OLFM3: variants seen among roughly 807,000 people sequenced by gnomAD.
The protein encoded by OLFM3 is olfactomedin 3, also known as noelin-3.
Under a neutral mutation model 48.6 loss-of-function variants are expected in OLFM3, and 20 were observed. That is an observed-to-expected ratio of 0.41 (90% CI 0.29 to 0.60). OLFM3 has a LOEUF of 0.60. Ranked by LOEUF, OLFM3 falls within the 20% of genes least tolerant of loss-of-function variation. The probability of loss-of-function intolerance (pLI) is 0.28; values close to 1 mark genes in which losing one functional copy is unlikely to be tolerated. For missense variants in OLFM3, 437 were observed against 544.3 expected, an observed-to-expected ratio of 0.80 and a Z score of 1.96; for synonymous variants, 222 against 198.1, an observed-to-expected ratio of 1.12 and a Z score of -1.01.
intron 3 of OLFM3, among the ~76,000 whole-genome samples, chr1:101,828,908 T>C (rs1309999804): frequency 6.6e-6 from 1 of 152,204 alleles, no homozygotes; most frequent in Non-Finnish European, 1.5e-5. Flanking sequence ...AAAATTGACA[T>C]AGTAAATCTT....
At chr1:101,873,220 T>G (rs1033101449) in intron 1 of OLFM3, among the ~76,000 whole-genome samples, 10 of 152,034 alleles carry the variant, frequency 6.6e-5, no homozygotes, top group African/African-American at 2.4e-4. Context: ...GCTTCCAAGC[T>G]TCCCTTTTGT....
chr1:101,979,848 C>T (rs1557755493), intron 1 of OLFM3, among the ~76,000 whole-genome samples: 1 of 152,236 alleles, frequency 6.6e-6, no homozygotes, highest in South Asian at 2.1e-4. Context: ...GCTGCAGGCA[C>T]TCAATGCCAG....
chr1:101,840,518 TG>T (rs937620887), intron 1 of OLFM3, among the ~76,000 whole-genome samples: 1 of 151,278 alleles, frequency 6.6e-6, no homozygotes, highest in African/African-American at 2.4e-5. Flanking sequence ...TTGTCCAAGC[TG>T]AAGTGTAGTG....
At chr1:101,854,908 GA>G (rs1656356148) in intron 1 of OLFM3, among the ~76,000 whole-genome samples, 1 of 151,956 alleles carries the variant, frequency 6.6e-6, no homozygotes, top group Non-Finnish European at 1.5e-5. Context: ...CTGCTACATA[GA>G]AAGCCCTGTT....
At chr1:101,880,826 A>G (rs1477639903) in intron 1 of OLFM3, among the ~76,000 whole-genome samples, 1 of 151,840 alleles carries the variant, frequency 6.6e-6, no homozygotes, top group African/African-American at 2.4e-5. Context: ...GCCTCCCTTC[A>G]TATTAATATT....
At chr1:101,884,566 C>T (rs539433057) in intron 1 of OLFM3, among the ~76,000 whole-genome samples, 1 of 151,876 alleles carries the variant, frequency 6.6e-6, no homozygotes, top group African/African-American at 2.4e-5. Flanking sequence ...AGGCGAGCAC[C>T]AGGATTTAAG....
At chr1:101,896,889 AAAC>A (rs1658228916) in intron 1 of OLFM3, among the ~76,000 whole-genome samples, 1 of 152,128 alleles carries the variant, frequency 6.6e-6, no homozygotes, top group South Asian at 2.1e-4. Flanking sequence ...ATGCAGTAGA[AAAC>A]AACAAGTAAT....
intron 1 of OLFM3, among the ~76,000 whole-genome samples, chr1:101,850,201 A>C (rs1444352938): frequency 1.3e-5 from 2 of 152,174 alleles, no homozygotes; most frequent in Non-Finnish European, 2.9e-5. Context: ...TCTCACAAAA[A>C]ATGTGACCTG....
intron 1 of OLFM3, among the ~76,000 whole-genome samples, chr1:101,894,475 G>T (rs563452943): frequency 2.6e-5 from 4 of 152,112 alleles, no homozygotes; most frequent in African/African-American, 9.6e-5. Context: ...AATCAGTGGG[G>T]CTATTTAATC....
chr1:101,988,952 T>C (rs1661324601), intron 1 of OLFM3, among the ~76,000 whole-genome samples: 1 of 152,128 alleles, frequency 6.6e-6, no homozygotes, highest in African/African-American at 2.4e-5. Context: ...CTTTTGTTCA[T>C]GAACAACTAT....
At chr1:101,877,756 C>T (rs547525550) in intron 1 of OLFM3, among the ~76,000 whole-genome samples, 1 of 151,230 alleles carries the variant, frequency 6.6e-6, no homozygotes, top group Non-Finnish European at 1.5e-5. Context: ...TTTAAAGTCA[C>T]TTAGATGTTA....
chr1:101,885,212 T>A (rs779728014), intron 1 of OLFM3, among the ~76,000 whole-genome samples: 9 of 151,962 alleles, frequency 5.9e-5, no homozygotes, highest in Non-Finnish European at 7.4e-5. Context: ...TTTTCAGATA[T>A]AGATTTTGTA....
At chr1:101,836,269 C>T (rs146043710) in intron 2 of OLFM3, among the ~76,000 whole-genome samples, 12 of 152,276 alleles carry the variant, frequency 7.9e-5, no homozygotes, top group African/African-American at 2.2e-4. Flanking sequence ...CCCAACTAAA[C>T]ATAAATAACC....
intron 1 of OLFM3, among the ~76,000 whole-genome samples, chr1:101,858,537 T>C (rs1384616562): frequency 6.6e-6 from 1 of 151,974 alleles, no homozygotes; most frequent in Non-Finnish European, 1.5e-5. Context: ...TGGATTTGTG[T>C]CCCCACCCAA....
chr1:101,864,984 C>G (rs1253026096), intron 1 of OLFM3, among the ~76,000 whole-genome samples: 1 of 152,160 alleles, frequency 6.6e-6, no homozygotes, highest in Non-Finnish European at 1.5e-5. Context: ...CTAGCCCATT[C>G]CATTTGGTTT....
At chr1:101,927,173 T>C (rs564858785) in intron 1 of OLFM3, among the ~76,000 whole-genome samples, 12 of 152,212 alleles carry the variant, frequency 7.9e-5, no homozygotes, top group African/African-American at 2.9e-4. Flanking sequence ...TCTATAACCC[T>C]ATGCTGTAAA....
chr1:101,845,618 T>C (rs1372212678), intron 1 of OLFM3, among the ~76,000 whole-genome samples: 1 of 152,226 alleles, frequency 6.6e-6, no homozygotes, highest in Non-Finnish European at 1.5e-5. Context: ...TTTATTGATG[T>C]CTATCTCTTG....
intron 1 of OLFM3, among the ~76,000 whole-genome samples, chr1:101,970,019 A>AT (rs535399751): frequency 0.024 from 3,420 of 144,810 alleles, 87 homozygotes; most frequent in African/African-American, 0.067. Flanking sequence ...GTAATGACAG[A>AT]TTTTTTTTTT....
At chr1:101,825,292 AT>A in intron 3 of OLFM3, 47 bp from the exon 4 acceptor site, 3 of 1,409,492 alleles carry the variant, frequency 2.1e-6, no homozygotes, top group Non-Finnish European at 2.0e-6. Flanking sequence ...AAAACAGATC[AT>A]GCTGCTCTGT....
Sources: gnomAD v4.1 joint callset for allele counts (sites outside exome capture counted in the v4.1 genomes callset) on GRCh38, gnomAD v4.1.1 for gene constraint, MANE v1.5 for transcripts, NCBI Gene and HGNC (gene_info 2026-07-23, HGNC 2026-07-21) for gene names.